NUAK2: variants seen among roughly 807,000 people sequenced by gnomAD.
The protein encoded by NUAK2 is NUAK family SNF1-like kinase 2.
In NUAK2, 20 loss-of-function variants were observed where a neutral mutation model predicts 29.8. The ratio of observed to expected loss-of-function variants is 0.67; its 90% CI spans 0.47 to 0.98. NUAK2 has a LOEUF of 0.98. Among genes scored for constraint, NUAK2 ranks in the 50% least tolerant of loss-of-function variants. The pLI, the probability that NUAK2 is intolerant of heterozygous loss-of-function variation, is 0.00. For synonymous variants in NUAK2, 331 were observed against 342.6 expected, an observed-to-expected ratio of 0.97 and a Z score of 0.37; for missense variants, 719 against 834.5, an observed-to-expected ratio of 0.86 and a Z score of 1.71.
At chr1:205,318,005 C>T (rs149804112) in intron 1 of NUAK2, among the ~76,000 whole-genome samples, 98 of 152,328 alleles carry the variant, frequency 6.4e-4, no homozygotes, top group African/African-American at 2.3e-3. Context: ...AAGCACTTTA[C>T]ATATGCTATC....
rs188594405 is a variant in NUAK2 at position 205,303,838 on chromosome 1, C to G, written c.1499G>C (p.Gly500Ala). Reference sequence around the variant, plus strand: ...GAACTTGCCATTGAGTTTGAGGATGCCTTTGCGATGGAGGAGCAGCCCTGA... The same window carrying G: ...GAACTTGCCATTGAGTTTGAGGATGGCTTTGCGATGGAGGAGCAGCCCTGA... ...QASGLLLHRK[G>A]ILKLNGKFSQ... The change falls in exon 7 of 7, where the codon GGC becomes GCC. Residue 500 changes from glycine (G) to alanine (A), a missense_variant. This residue lies in a region of NUAK2 where 430 missense variants were observed against 465.7 expected (regional missense o/e 0.92). Transcript: ENST00000367157. 54 of 1,608,164 alleles carry G rather than the reference C, an allele frequency of 3.4e-5. No individual in the cohort carries two copies. The East Asian group carries it at 5.8e-4, about 17-fold the overall frequency.
chr1:205,313,069 G>A (rs1457282646), intron 1 of NUAK2, among the ~76,000 whole-genome samples: 1 of 152,170 alleles, frequency 6.6e-6, no homozygotes, highest in East Asian at 1.9e-4. Context: ...GACTGGGGGA[G>A]GGGAAATGGG....
intron 1 of NUAK2, 47 bp downstream of exon 1, chr1:205,321,337 CGCTCCCTGCCGGCG>C (rs1662413844): frequency 6.9e-7 from 1 of 1,447,672 alleles, no homozygotes; most frequent in African/African-American, 1.4e-5. Flanking sequence ...CGCCCTCCTC[CGCTCCCTGCCGGCG>C]GCCAAGCCGG....
chr1:205,307,826 T>C (rs1662203598), intron 4 of NUAK2, among the ~76,000 whole-genome samples: 1 of 152,202 alleles, frequency 6.6e-6, no homozygotes, highest in South Asian at 2.1e-4. Flanking sequence ...TGTCCCAAGG[T>C]TGTAGCAAAC....
chr1:205,314,815 C>T (rs1662304128), intron 1 of NUAK2, among the ~76,000 whole-genome samples: 1 of 152,078 alleles, frequency 6.6e-6, no homozygotes. Context: ...CAGTTGTGTA[C>T]TCGCAGATAC....
intron 4 of NUAK2, among the ~76,000 whole-genome samples, chr1:205,307,647 TTAAC>T (rs1396493365): frequency 2.0e-5 from 3 of 152,168 alleles, no homozygotes; most frequent in African/African-American, 7.2e-5. Context: ...ATGCCTAAAT[TTAAC>T]TACTTAAGCA....
At chr1:205,313,683 G>GA (rs1262203182) in intron 1 of NUAK2, among the ~76,000 whole-genome samples, 13 of 150,856 alleles carry the variant, frequency 8.6e-5, no homozygotes, top group African/African-American at 2.7e-4. Flanking sequence ...TTTTTTCTGT[G>GA]AAACAAACAG....
At chr1:205,306,555 T>C (rs1034430171) in intron 4 of NUAK2, among the ~76,000 whole-genome samples, 1 of 152,082 alleles carries the variant, frequency 6.6e-6, no homozygotes, top group African/African-American at 2.4e-5. Context: ...TCCTCACTGC[T>C]CCCCAGACCA....
In NUAK2 at chr1:205,303,113, A is replaced by C; in HGVS notation, c.*337T>G. On this transcript the variant is annotated 3_prime_UTR_variant, in exon 7 of 7. Coordinates refer to ENST00000367157, the MANE Select transcript of NUAK2 (RefSeq NM_030952.3). Reference sequence around the variant, plus strand: ...ACCATGTGTACAGAGTATTCATGGGATGCAGGAGATGGGCCCTGGGAGAGT... The same window carrying C: ...ACCATGTGTACAGAGTATTCATGGGCTGCAGGAGATGGGCCCTGGGAGAGT... 5.5e-6 allele frequency: 1 copy of C among 182,548 alleles called. No homozygotes were observed. Among genetic ancestry groups the C allele is most frequent in the Middle Eastern group, 2.2e-3 (1 of 448 alleles). The allele number at this position is 182,548 out of a possible 1,614,324, so 11.3% of individuals were successfully genotyped here.
At chr1:205,312,696 C>T (rs139052406) in intron 1 of NUAK2, among the ~76,000 whole-genome samples, 200 of 152,004 alleles carry the variant, frequency 1.3e-3, no homozygotes, top group Admixed American at 3.9e-3. Context: ...CAGCTATAGG[C>T]GCGTGCTGAG....
chr1:205,306,185 T>C lies in NUAK2; in HGVS notation c.690+3A>G. 2 of 1,599,468 alleles carry C rather than the reference T, an allele frequency of 1.3e-6. No individual in the cohort carries two copies. Among genetic ancestry groups the C allele is most frequent in the African/African-American group, 1.3e-5 (1 of 74,226 alleles). On this transcript the variant is annotated splice_donor_region_variant and intron_variant, in intron 5 of 6. Coordinates refer to ENST00000367157, the MANE Select transcript of NUAK2 (RefSeq NM_030952.3). ...AGGCTGGCAGGGGAGGGTGGCCACT[T>C]ACCTCTGGGCCTGTGTAGGGCTTCC...
In NUAK2 at chr1:205,304,268, GC is replaced by G; in HGVS notation, c.1068del (p.Gln356HisfsTer124). 6.2e-7 allele frequency: 1 copy of G among 1,614,002 alleles called. No homozygotes were observed. The highest frequency in any genetic ancestry group is 8.5e-7 in the Non-Finnish European group (1 of 1,179,948). The part of the protein sequence containing the change: ...NGAKVCSFFK[Q>X]HAPGGGSTTP... ...GTGGTGCTTCCCCCACCAGGTGCATGCTGCTTGAAGAAGCTGCACACCTTGG... is the reference window on the plus strand; with the variant it reads ...GTGGTGCTTCCCCCACCAGGTGCATGTGCTTGAAGAAGCTGCACACCTTGG... On this transcript the variant is annotated frameshift_variant, in exon 7 of 7. Coordinates refer to ENST00000367157, the MANE Select transcript of NUAK2 (RefSeq NM_030952.3). LOFTEE classifies it low-confidence loss of function (END_TRUNC). This position sits in a 1 kb window ranked among gnomAD's most constrained non-coding sequence, Gnocchi z 6.5.
rs1288980920 is a variant in NUAK2, at chr1:205,321,548, C to A, written c.81G>T (p.Leu27=). 6.2e-7 allele frequency: 1 copy of A among 1,613,814 alleles called. No individual in the cohort carries two copies. Reference sequence around the variant, plus strand: ...TCATTAGGGGCTTGGGCGACTTGATCAGCCCTTCCGCCAGCGGCCGGGCTA... The same window carrying A: ...TCATTAGGGGCTTGGGCGACTTGATAAGCCCTTCCGCCAGCGGCCGGGCTA... ...AELARPLAEG[L]IKSPKPLMKK... The change falls in exon 1 of 7, where the codon CTG becomes CTT. Residue 27 remains leucine, a synonymous_variant. Transcript: ENST00000367157.
chr1:205,309,577 C>T (rs1262836338), intron 2 of NUAK2, among the ~76,000 whole-genome samples: 2 of 152,188 alleles, frequency 1.3e-5, no homozygotes, highest in African/African-American at 2.4e-5. Context: ...CAGCCCGCCT[C>T]GGCCTCCCAA....
chr1:205,319,751 A>G (rs183847197), intron 1 of NUAK2, among the ~76,000 whole-genome samples: 1 of 152,318 alleles, frequency 6.6e-6, no homozygotes, highest in Non-Finnish European at 1.5e-5. Flanking sequence ...GTGCCAGGCG[A>G]TAGCAGGAAA....
intron 5 of NUAK2, 70 bp from the exon 6 acceptor site, chr1:205,305,401 CAG>C: frequency 6.4e-7 from 1 of 1,556,856 alleles, no homozygotes; most frequent in Non-Finnish European, 8.7e-7. Flanking sequence ...CTGGAGAACT[CAG>C]AGGCCAGCAC....
intron 2 of NUAK2, among the ~76,000 whole-genome samples, chr1:205,309,203 A>G (rs1469675581): frequency 2.6e-5 from 4 of 152,150 alleles, no homozygotes; most frequent in Non-Finnish European, 4.4e-5. Flanking sequence ...GAAAAGCAGG[A>G]TAATAAGGCA....
chr1:205,309,052 C>T (rs1662221383), intron 2 of NUAK2, among the ~76,000 whole-genome samples: 1 of 151,560 alleles, frequency 6.6e-6, no homozygotes, highest in Admixed American at 6.6e-5. Flanking sequence ...AATGAAAGGC[C>T]AGGCTCCTTG....
At position 205,303,766 on chromosome 1, in the gene NUAK2, A is replaced by G; in HGVS notation, c.1571T>C (p.Leu524Pro). Reference sequence around the variant, plus strand: ...GGGGCGAGGTGGGGCGAGTTCATCCAGGGAGCCGAAGGTGGTGGGGGCCGC... The same window carrying G: ...GGGGCGAGGTGGGGCGAGTTCATCCGGGGAGCCGAAGGTGGTGGGGGCCGC... ...ELAAPTTFGSLDELAPPRPLA... is the reference protein window; with the variant it reads ...ELAAPTTFGSPDELAPPRPLA... The change falls in exon 7 of 7, where the codon CTG becomes CCG. Residue 524 changes from leucine to proline, a missense_variant. Physicochemically the swap from Leu to Pro is moderately conservative, Grantham distance 98. Coordinates refer to ENST00000367157, the MANE Select transcript of NUAK2 (RefSeq NM_030952.3). The G allele has an allele frequency of 4.5e-6, 7 of 1,549,302 alleles. No individual in the cohort carries two copies. The highest frequency in any genetic ancestry group is 6.1e-6 in the Non-Finnish European group (7 of 1,148,972).
Sources: allele counts gnomAD v4.1 joint callset (sites outside exome capture counted in the v4.1 genomes callset), GRCh38; gene constraint gnomAD v4.1.1; regional missense constraint gnomAD v4.1.1; non-coding constraint Gnocchi (gnomAD v3.1); transcripts MANE v1.5; gene names NCBI Gene and HGNC (gene_info 2026-07-23, HGNC 2026-07-21).